CRYM: variants seen among roughly 807,000 people sequenced by gnomAD.
The protein encoded by CRYM is ketimine reductase mu-crystallin.
Under a neutral mutation model 32.9 loss-of-function variants are expected in CRYM, and 18 were observed. That is an observed-to-expected ratio of 0.55 (90% CI 0.38 to 0.81). CRYM has a LOEUF of 0.81. Among genes scored for constraint, CRYM ranks in the 30% least tolerant of loss-of-function variants. The probability of loss-of-function intolerance (pLI) is 0.00; values close to 1 mark genes in which losing one functional copy is unlikely to be tolerated. For synonymous variants in CRYM, 153 were observed against 152.4 expected (o/e 1.00, Z -0.03); for missense variants, 337 against 393.5 (o/e 0.86, Z 1.21).
At chr16:21,260,859 T>C (rs1182341239) in intron 7 of CRYM, among the ~76,000 whole-genome samples, 5 of 152,190 alleles carry the variant, frequency 3.3e-5, no homozygotes, top group Non-Finnish European at 5.9e-5. Flanking sequence ...CCCTTAAGGT[T>C]CCTGTCTTTT....
At chr16:21,300,178 A>C (rs1173459689) in intron 1 of CRYM, among the ~76,000 whole-genome samples, 1 of 152,134 alleles carries the variant, frequency 6.6e-6, no homozygotes, top group East Asian at 1.9e-4. Context: ...GTCCATGTCC[A>C]TCAAGAGATG....
chr16:21,269,835 G>A lies in CRYM; in HGVS notation c.444C>T (p.Ala148=), dbSNP rs767083874. The A allele has an allele frequency of 6.6e-5, 103 of 1,556,894 alleles. No homozygotes were observed. The highest frequency in any genetic ancestry group is 9.0e-5 in the Non-Finnish European group (103 of 1,145,994). ...CTGTGAAGATCTCATAATGGCTGTA[G>A]GCCTGGACCCCAGCCCCAAGGATGC... ...VLCILGAGVQ[A]YSHYEIFTEQ... is the part of the protein sequence containing the mutation. Residue 148 remains alanine, a synonymous_variant, in exon 4 of 8, where the codon GCC becomes GCT. Transcript: ENST00000572914.
At chr16:21,291,688 A>C (rs544070462) in intron 1 of CRYM, among the ~76,000 whole-genome samples, 8 of 152,262 alleles carry the variant, frequency 5.3e-5, no homozygotes, top group African/African-American at 1.7e-4. Context: ...ACATCTTTGC[A>C]TGTGCTTATT....
chr16:21,279,540 A>G (rs571507406), upstream of CRYM, among the ~76,000 whole-genome samples: 9 of 152,238 alleles, frequency 5.9e-5, no homozygotes, highest in South Asian at 2.1e-4. Context: ...ATCAGAAGAT[A>G]AAACTGAGAA....
upstream of CRYM, among the ~76,000 whole-genome samples, chr16:21,282,054 G>A (rs2093399122): frequency 6.6e-6 from 1 of 152,164 alleles, no homozygotes; most frequent in Admixed American, 6.5e-5. Context: ...TTGTGGGAGG[G>A]ACCCAGTGGG....
At chr16:21,302,661 G>T (rs1010777206) in intron 1 of CRYM, among the ~76,000 whole-genome samples, 2 of 152,226 alleles carry the variant, frequency 1.3e-5, no homozygotes, top group African/African-American at 4.8e-5. Flanking sequence ...CCGTGATTAG[G>T]CCAGCTGTGT....
intron 5 of CRYM, among the ~76,000 whole-genome samples, chr16:21,264,692 C>T (rs2093360644): frequency 6.6e-6 from 1 of 152,152 alleles, no homozygotes; most frequent in Admixed American, 6.5e-5. Flanking sequence ...GAAGAGATGC[C>T]TTGACTCAAA....
chr16:21,291,653 C>T (rs1209073083), intron 1 of CRYM, among the ~76,000 whole-genome samples: 2 of 152,076 alleles, frequency 1.3e-5, no homozygotes, highest in Non-Finnish European at 2.9e-5. Context: ...AAAAATTTAA[C>T]ACCCTTTTAT....
At chr16:21,292,527 A>G (rs1275978694) in intron 1 of CRYM, among the ~76,000 whole-genome samples, 2 of 152,172 alleles carry the variant, frequency 1.3e-5, no homozygotes, top group East Asian at 1.9e-4. Flanking sequence ...AACAATCTCA[A>G]TCAACATCCT....
At chr16:21,265,478 A>G (rs1329928450) in intron 5 of CRYM, among the ~76,000 whole-genome samples, 1 of 152,038 alleles carries the variant, frequency 6.6e-6, no homozygotes. Flanking sequence ...AGCCTCTATC[A>G]CCCAGGGCCT....
intron 1 of CRYM, among the ~76,000 whole-genome samples, chr16:21,302,466 C>G (rs1463896396): frequency 1.3e-5 from 2 of 152,138 alleles, no homozygotes; most frequent in African/African-American, 4.8e-5. Flanking sequence ...CAGAGAAAGT[C>G]ACATATGTAA....
At position 21,294,285 on chromosome 16, in the gene CRYM, C is replaced by T. The variant is rs192335315; in HGVS notation, c.-193+8693G>A. On this transcript the variant is annotated intron_variant, in intron 1 of 9. Transcript: ENST00000219599. Reference sequence around the variant, plus strand: ...GTAGTCTGCAGTCCCAGTTTTGGACCGTTTTCCCTGGCTCTGGAGGGTGCG... The same window carrying T: ...GTAGTCTGCAGTCCCAGTTTTGGACTGTTTTCCCTGGCTCTGGAGGGTGCG... Among the ~76,000 whole-genome samples the T allele has an allele frequency of 5.3e-5, 8 of 152,236 alleles. No individual in the cohort carries two copies. The East Asian group carries it at 1.5e-3, about 29-fold the overall frequency.
At chr16:21,260,182 G>A (rs1316250961) in intron 7 of CRYM, among the ~76,000 whole-genome samples, 5 of 152,156 alleles carry the variant, frequency 3.3e-5, no homozygotes, top group Non-Finnish European at 5.9e-5. Flanking sequence ...GCTTGATCAC[G>A]AAGTATGGAA....
intron 3 of CRYM, among the ~76,000 whole-genome samples, chr16:21,271,951 T>G (rs935446649): frequency 2.0e-5 from 3 of 151,902 alleles, no homozygotes; most frequent in African/African-American, 7.3e-5. Flanking sequence ...CTCTGCTTCC[T>G]GGGTTCAAGC....
At chr16:21,284,068 C>T (rs899932005) in intron 1 of CRYM, 7 of 152,042 alleles carry the variant, frequency 4.6e-5, no homozygotes, top group African/African-American at 1.7e-4. Flanking sequence ...TGCCCGTGGT[C>T]GGCGCGCGGA....
chr16:21,298,743 T>C (rs925544225), intron 1 of CRYM, among the ~76,000 whole-genome samples: 3 of 152,230 alleles, frequency 2.0e-5, no homozygotes, highest in East Asian at 1.9e-4. Flanking sequence ...TTGACCTGGA[T>C]AGGGTGGTTT....
chr16:21,267,786 T>A (rs765478682), intron 4 of CRYM, 49 bp from the exon 5 acceptor site: 1 of 1,593,344 alleles, frequency 6.3e-7, no homozygotes. Context: ...TTTGGCTGCT[T>A]ATGTTACACT....
At chr16:21,279,518 A>T (rs2093394391), upstream of CRYM, among the ~76,000 whole-genome samples, 1 of 152,210 alleles carries the variant, frequency 6.6e-6, no homozygotes, top group South Asian at 2.1e-4. Flanking sequence ...TAAGGTGCTG[A>T]GGTCTAGGAG....
upstream of CRYM, among the ~76,000 whole-genome samples, chr16:21,281,051 G>A (rs1192122586): frequency 1.3e-5 from 2 of 151,542 alleles, no homozygotes; most frequent in African/African-American, 4.8e-5. Flanking sequence ...GTTGCAGTGA[G>A]CCGAGATCGT....
Sources: gnomAD v4.1 joint callset for allele counts (sites outside exome capture counted in the v4.1 genomes callset) on GRCh38, gnomAD v4.1.1 for gene constraint, MANE v1.5 for transcripts, NCBI Gene and HGNC (gene_info 2026-07-23, HGNC 2026-07-21) for gene names.